AFDN: variants seen among roughly 807,000 people sequenced by gnomAD.
AFDN encodes the protein afadin.
AFDN carries 68 observed loss-of-function variants against 216.6 expected under a neutral mutation model. The ratio of observed to expected loss-of-function variants is 0.31; its 90% CI spans 0.26 to 0.38. The LOEUF is 0.38. AFDN is among the 10% of genes least tolerant of loss of function. The probability of loss-of-function intolerance (pLI) is 1.00; values close to 1 mark genes in which losing one functional copy is unlikely to be tolerated. For missense variants in AFDN, 2,136 were observed against 2,342.0 expected (o/e 0.91, Z 1.82); for synonymous variants, 868 against 853.7 (o/e 1.02, Z -0.29).
chr6:167,958,915 A>G (rs1255257924), intron 30 of AFDN, among the ~76,000 whole-genome samples: 1 of 152,262 alleles, frequency 6.6e-6, no homozygotes, highest in Non-Finnish European at 1.5e-5. Flanking sequence ...TAGAATGAAA[A>G]TGGGCCCTGC....
intron 25 of AFDN, 94 bp from the exon 26 acceptor site, chr6:167,943,847 T>A: frequency 9.6e-7 from 1 of 1,036,596 alleles, no homozygotes; most frequent in Admixed American, 1.9e-5. Context: ...TGAAGCTGTG[T>A]AACATGATTT....
intron 1 of AFDN, among the ~76,000 whole-genome samples, chr6:167,833,674 C>A (rs921596549): frequency 5.3e-5 from 8 of 152,084 alleles, no homozygotes; most frequent in Admixed American, 2.0e-4. Flanking sequence ...TCACTGTTAA[C>A]CAGCTTTTGG....
chr6:167,834,534 T>A (rs148158827), intron 1 of AFDN, among the ~76,000 whole-genome samples: 15 of 130,594 alleles, frequency 1.1e-4, no homozygotes, highest in African/African-American at 4.3e-4. Flanking sequence ...GAATAACAAG[T>A]CACGGTGCAT....
At chr6:167,907,612 A>G (rs1789865640) in intron 13 of AFDN, among the ~76,000 whole-genome samples, 1 of 152,210 alleles carries the variant, frequency 6.6e-6, no homozygotes, top group Non-Finnish European at 1.5e-5. Flanking sequence ...TGATTTTTGT[A>G]TTTAGAAAAA....
intron 26 of AFDN, 89 bp downstream of exon 26, chr6:167,944,148 C>A: frequency 1.0e-6 from 1 of 977,992 alleles, no homozygotes; most frequent in Non-Finnish European, 1.6e-6. Flanking sequence ...ACTGGTGTTA[C>A]TATCGCCCCA....
At position 167,946,047 on chromosome 6, in the gene AFDN, T is replaced by G. The variant is rs561081765; in HGVS notation, c.3359-660T>G. On this transcript the variant is annotated intron_variant, in intron 26 of 33. Transcript: ENST00000683244. ...GCATCAGAGAACGTGACTTGCTGCTTCTTGAAGCAAACACACACCACCCAA... is the reference window on the plus strand; with the variant it reads ...GCATCAGAGAACGTGACTTGCTGCTGCTTGAAGCAAACACACACCACCCAA... Among the ~76,000 whole-genome samples, 9 of 152,182 alleles carry G rather than the reference T, an allele frequency of 5.9e-5. No homozygotes were observed. The East Asian group carries it at 7.7e-4, about 13-fold the overall frequency.
At position 167,941,817 on chromosome 6, in the gene AFDN, A is replaced by G. The variant is rs2128621652; in HGVS notation, c.3100-1312A>G. 2.6e-5 allele frequency among the ~76,000 whole-genome samples: 4 copies of G among 152,172 alleles called. 1 individual carries two copies. The highest frequency in any genetic ancestry group is 2.6e-4 in the Admixed American group (4 of 15,298). Reference sequence around the variant, plus strand: ...ACAGGAGAGATGTGTGGACAGACACAGAGGGATGACGAGGTGAACAGATGG... The same window carrying G: ...ACAGGAGAGATGTGTGGACAGACACGGAGGGATGACGAGGTGAACAGATGG... On this transcript the variant is annotated intron_variant, in intron 23 of 33. Coordinates refer to ENST00000683244, the MANE Select transcript of AFDN (RefSeq NM_001386888.1).
intron 32 of AFDN, among the ~76,000 whole-genome samples, chr6:167,966,483 T>C (rs1289870464): frequency 1.3e-5 from 2 of 152,184 alleles, no homozygotes; most frequent in Non-Finnish European, 2.9e-5. Context: ...ATCTTAGTAC[T>C]CCGATTTCTT....
intron 30 of AFDN, among the ~76,000 whole-genome samples, chr6:167,961,148 C>G (rs1796998158): frequency 6.6e-6 from 1 of 151,854 alleles, no homozygotes; most frequent in Non-Finnish European, 1.5e-5. Flanking sequence ...AATTTATAGA[C>G]AAACTGGTAA....
intron 5 of AFDN, among the ~76,000 whole-genome samples, 164 bp from the exon 6 acceptor site, chr6:167,880,193 TATA>T (rs1161136119): frequency 6.6e-6 from 1 of 152,226 alleles, no homozygotes; most frequent in Non-Finnish European, 1.5e-5. Context: ...TTACTGCTAT[TATA>T]TGTTATCTAA....
intron 23 of AFDN, among the ~76,000 whole-genome samples, chr6:167,939,565 G>A (rs1174394371): frequency 6.6e-6 from 1 of 152,216 alleles, no homozygotes; most frequent in Non-Finnish European, 1.5e-5. Context: ...AAACGGCAAA[G>A]GTGTTTGTCT....
Position 167,869,648 on chromosome 6 carries a change from C to T in AFDN, c.302-738C>T, listed in dbSNP as rs1023829389. On this transcript the variant is annotated intron_variant, in intron 2 of 33. Coordinates refer to ENST00000683244, the MANE Select transcript of AFDN (RefSeq NM_001386888.1). The stretch of plus-strand genomic sequence containing the variant: ...TAGGAGCAGGTCCATCCTTCAGTGC[C>T]GCCTTTTTTCCACAGCTTCCAGCGA... Among the ~76,000 whole-genome samples, 15 of 152,114 alleles carry T rather than the reference C, an allele frequency of 9.9e-5. No individual in the cohort carries two copies. In the South Asian group the frequency reaches 1.7e-3, roughly 17 times the overall value.
chr6:167,877,343 G>A (rs2128282704), intron 5 of AFDN, among the ~76,000 whole-genome samples: 1 of 152,300 alleles, frequency 6.6e-6, no homozygotes, highest in South Asian at 2.1e-4. Context: ...AGTGGCACAT[G>A]GCGATTAGGG....
In AFDN at chr6:167,887,458, TC is replaced by T. The variant is rs1413426257; in HGVS notation, c.898-1756del. On this transcript the variant is annotated intron_variant, in intron 6 of 33. Transcript: ENST00000683244. Reference sequence around the variant, plus strand: ...CTCAGCTTGCCTTTTTTTTTTTTTTTCTTTTTTTCCTTTTGGAGATGAAGTC... The same window carrying T: ...CTCAGCTTGCCTTTTTTTTTTTTTTTTTTTTTTCCTTTTGGAGATGAAGTC... Among the ~76,000 whole-genome samples, 217 of 150,256 alleles carry T rather than the reference TC, an allele frequency of 1.4e-3. 1 individual carries two copies. The highest frequency in any genetic ancestry group is 4.7e-3 in the African/African-American group (192 of 40,702).
chr6:167,863,028 T>G lies in AFDN; in HGVS notation c.106-1523T>G, dbSNP rs181544093. On this transcript the variant is annotated intron_variant, in intron 1 of 33. Transcript: ENST00000683244. ...CTAGAAATGTGCCTTACTGTCTCAC[T>G]TTTTTGTTTTGATTTTCATAAGTTT... 1.4e-4 allele frequency among the ~76,000 whole-genome samples: 21 copies of G among 152,368 alleles called. No individual in the cohort carries two copies. The East Asian group carries it at 3.5e-3, about 25-fold the overall frequency.
At chr6:167,946,356 G>T (rs565228575) in intron 26 of AFDN, among the ~76,000 whole-genome samples, 2 of 152,124 alleles carry the variant, frequency 1.3e-5, no homozygotes, top group Non-Finnish European at 2.9e-5. Flanking sequence ...GACGCTGGGC[G>T]ATTAAAAGTT....
intron 23 of AFDN, among the ~76,000 whole-genome samples, chr6:167,936,635 G>A (rs1468147171): frequency 6.6e-6 from 1 of 152,026 alleles, no homozygotes; most frequent in African/African-American, 2.4e-5. Context: ...GGTAGTGAGA[G>A]CTCCATAATG....
At position 167,894,840 on chromosome 6, in the gene AFDN, G is replaced by A. The variant is rs141938201; in HGVS notation, c.1222+934G>A. On this transcript the variant is annotated intron_variant, in intron 9 of 33. Coordinates refer to ENST00000683244, the MANE Select transcript of AFDN (RefSeq NM_001386888.1). ...TTGTCTCATAAGAGACCTTTCAGAA[G>A]CATTCAGAATTCGGAAGAATATGAA... Among the ~76,000 whole-genome samples, 408 of 152,290 alleles carry A rather than the reference G, an allele frequency of 2.7e-3. 3 individuals are homozygous for A. The highest frequency in any genetic ancestry group is 9.0e-3 in the African/African-American group (376 of 41,568).
chr6:167,905,064 G>A (rs989061788), intron 12 of AFDN, among the ~76,000 whole-genome samples: 1 of 152,112 alleles, frequency 6.6e-6, no homozygotes, highest in African/African-American at 2.4e-5. Context: ...TCTTGTGCTA[G>A]TGTTTGTGCT....
Sources: allele counts gnomAD v4.1 joint callset (sites outside exome capture counted in the v4.1 genomes callset), GRCh38; gene constraint gnomAD v4.1.1; transcripts MANE v1.5; gene names NCBI Gene and HGNC (gene_info 2026-07-23, HGNC 2026-07-21).